TENM3: variants seen among roughly 807,000 people sequenced by gnomAD.
The protein encoded by TENM3 is teneurin transmembrane protein 3, also known as teneurin-3.
A neutral mutation model predicts 255.1 loss-of-function variants in TENM3; 63 were observed. The observed-to-expected ratio is 0.25, with a 90% confidence interval of 0.20 to 0.30. The LOEUF is 0.30. Ranked by LOEUF, TENM3 falls within the 10% of genes least tolerant of loss-of-function variation. The pLI is 1.00. For synonymous variants in TENM3, 1,306 were observed against 1,322.3 expected, an observed-to-expected ratio of 0.99 and a Z score of 0.27; for missense variants, 2,929 against 3,461.1, an observed-to-expected ratio of 0.85 and a Z score of 3.86.
chr4:182,175,841 C>T (rs1269923760), intron 1 of TENM3, among the ~76,000 whole-genome samples: 1 of 152,160 alleles, frequency 6.6e-6, no homozygotes, highest in African/African-American at 2.4e-5. Context: ...TGGGTGCATG[C>T]GGAACACTGG....
chr4:182,800,898 G>A lies in TENM3; in HGVS notation c.*547G>A, dbSNP rs1766902190. On this transcript the variant is annotated 3_prime_UTR_variant, in exon 28 of 28. Transcript: ENST00000511685. ...ACTTCTGCGGCGGGGATTTATTAAT[G>A]GATTTTACAATGCTAACGTGGTTTC... is the stretch of plus-strand genomic sequence containing the variant. 1 of 152,644 alleles carries A rather than the reference G, an allele frequency of 6.6e-6. No individual in the cohort carries two copies. The highest frequency in any genetic ancestry group is 6.5e-5 in the Admixed American group (1 of 15,280). 9.5% of individuals were successfully genotyped at this position (152,644 alleles called of 1,614,324 possible). A position where few individuals can be genotyped will look rare whatever the true frequency, so the allele number is the denominator to read the frequency against.
the TENM3 span, among the ~76,000 whole-genome samples, chr4:182,137,230 C>T: frequency 6.6e-6 from 1 of 152,004 alleles, no homozygotes; most frequent in Non-Finnish European, 1.5e-5. Context: ...TGGACCCCTT[C>T]TTGGGATTTT....
At chr4:182,498,726 G>A (rs949899812) in intron 3 of TENM3, among the ~76,000 whole-genome samples, 1 of 152,174 alleles carries the variant, frequency 6.6e-6, no homozygotes, top group East Asian at 1.9e-4. Context: ...GTGGTGGCGT[G>A]TGCCTGTAAT....
At chr4:181,587,257 G>A in the TENM3 span, among the ~76,000 whole-genome samples, 3 of 152,092 alleles carry the variant, frequency 2.0e-5, no homozygotes, top group Non-Finnish European at 2.9e-5. Context: ...CATTCATTCA[G>A]TGCCAGGCAT....
rs1764782031 is a variant in TENM3 at position 182,777,547 on chromosome 4, C to CTGTTTTTT, written c.5304+2395_5304+2396insGTTTTTTT. 8.1e-4 allele frequency among the ~76,000 whole-genome samples: 37 copies of CTGTTTTTT among 45,468 alleles called. 1 individual carries two copies. The highest frequency in any genetic ancestry group is 2.9e-3 in the African/African-American group (34 of 11,576). 29.8% of individuals were successfully genotyped at this position (45,468 alleles called of 152,430 possible). On this transcript the variant is annotated intron_variant, in intron 24 of 27. Transcript: ENST00000511685. ...TGTGTGTGTGTGTGTGTGTGTATTT[C>CTGTTTTTT]TTTTTTTTTTTTTTTTTTTTTTTTT...
chr4:181,870,067 G>T, the TENM3 span, among the ~76,000 whole-genome samples: 1 of 152,074 alleles, frequency 6.6e-6, no homozygotes, highest in Non-Finnish European at 1.5e-5. Flanking sequence ...TCATTGAAAG[G>T]TAATCATGCA....
chr4:181,644,712 C>A, the TENM3 span, among the ~76,000 whole-genome samples: 2 of 149,880 alleles, frequency 1.3e-5, no homozygotes, highest in South Asian at 4.2e-4. Context: ...TCTGTTTTTT[C>A]TCTTTTATGC....
the TENM3 span, among the ~76,000 whole-genome samples, chr4:181,639,585 C>G: frequency 6.6e-6 from 1 of 152,116 alleles, no homozygotes; most frequent in Non-Finnish European, 1.5e-5. Flanking sequence ...ACTAAAAATA[C>G]AAAAATTGGC....
At chr4:181,624,117 G>A in the TENM3 span, among the ~76,000 whole-genome samples, 530 of 152,228 alleles carry the variant, frequency 3.5e-3, 2 homozygotes, top group Non-Finnish European at 6.2e-3. Flanking sequence ...TCTACTATAT[G>A]AACATCTGTA....
At chr4:182,381,476 G>A (rs1767562283) in intron 3 of TENM3, among the ~76,000 whole-genome samples, 1 of 152,034 alleles carries the variant, frequency 6.6e-6, no homozygotes, top group Non-Finnish European at 1.5e-5. Context: ...TCCCCCTAGG[G>A]CCTGAGATTT....
At chr4:181,456,871 A>G in the TENM3 span, among the ~76,000 whole-genome samples, 1 of 111,904 alleles carries the variant, frequency 8.9e-6, no homozygotes, top group African/African-American at 3.6e-5. Flanking sequence ...ATAAATACAA[A>G]ATTTAATTAA....
chr4:182,145,046 T>A (rs1749848280), intron 1 of TENM3: 1 of 151,824 alleles, frequency 6.6e-6, no homozygotes, highest in Admixed American at 6.5e-5. Context: ...CCGGGGTCCC[T>A]GAGGAAGGCA....
intron 3 of TENM3, among the ~76,000 whole-genome samples, chr4:182,423,220 C>T (rs1580487563): frequency 6.6e-6 from 1 of 151,944 alleles, no homozygotes; most frequent in Non-Finnish European, 1.5e-5. Context: ...ATTTTCTTTT[C>T]GGAGGTCTGC....
chr4:181,784,182 T>G, the TENM3 span, among the ~76,000 whole-genome samples: 1 of 151,562 alleles, frequency 6.6e-6, no homozygotes, highest in Non-Finnish European at 1.5e-5. Context: ...AACCGCTAAG[T>G]GAATTGTTTT....
the TENM3 span, among the ~76,000 whole-genome samples, chr4:181,623,704 C>G: frequency 8.5e-5 from 13 of 152,250 alleles, no homozygotes; most frequent in Admixed American, 7.2e-4. Context: ...GCTTCGTAAA[C>G]AATCAGTTGT....
the TENM3 span, among the ~76,000 whole-genome samples, chr4:181,783,395 C>A: frequency 6.6e-6 from 1 of 152,084 alleles, no homozygotes; most frequent in Non-Finnish European, 1.5e-5. Context: ...CTGTACTCTG[C>A]CAATTCTGGT....
chr4:182,437,771 C>T (rs189980813), intron 3 of TENM3, among the ~76,000 whole-genome samples: 1 of 150,406 alleles, frequency 6.6e-6, no homozygotes, highest in Admixed American at 6.6e-5. Context: ...GCACTTCAGC[C>T]TGGATGACAG....
At chr4:181,542,132 A>G in the TENM3 span, among the ~76,000 whole-genome samples, 1 of 152,330 alleles carries the variant, frequency 6.6e-6, no homozygotes, top group South Asian at 2.1e-4. Flanking sequence ...ATTTCATGCT[A>G]TGACGGATGC....
chr4:182,276,476 G>A (rs1049715946), intron 1 of TENM3, among the ~76,000 whole-genome samples: 3 of 152,150 alleles, frequency 2.0e-5, no homozygotes, highest in East Asian at 1.9e-4. Context: ...CCTTTGACTC[G>A]AATGCGAACC....
Sources: allele counts gnomAD v4.1 joint callset (sites outside exome capture counted in the v4.1 genomes callset), GRCh38; gene constraint gnomAD v4.1.1; transcripts MANE v1.5; gene names NCBI Gene and HGNC (gene_info 2026-07-23, HGNC 2026-07-21).